The following XIRP2 variants were observed in gnomAD, a reference collection of about 807,000 sequenced individuals.
The protein encoded by XIRP2 is xin actin binding repeat containing 2.
In XIRP2, 236 loss-of-function variants were observed where a neutral mutation model predicts 277.0. The observed-to-expected ratio is 0.85, with a 90% CI of 0.77 to 0.95. XIRP2 has a LOEUF of 0.95. Among genes scored for constraint, XIRP2 ranks in the 40% least tolerant of loss-of-function variants. The probability of loss-of-function intolerance (pLI) is 0.00; values close to 1 mark genes in which losing one functional copy is unlikely to be tolerated. For missense variants in XIRP2, 4,640 were observed against 4,157.5 expected (o/e 1.12, Z -3.19); for synonymous variants, 1,490 against 1,416.5 (o/e 1.05, Z -1.17).
intron 5 of XIRP2, among the ~76,000 whole-genome samples, chr2:167,229,887 A>G (rs1395985628): frequency 1.3e-5 from 2 of 152,122 alleles, no homozygotes; most frequent in African/African-American, 4.8e-5. Flanking sequence ...GAATAAGGTT[A>G]CATCTTCTGC....
In XIRP2 at chr2:167,258,293, G is replaced by C. The variant is rs887983525; in HGVS notation, c.*476G>C. Reference sequence around the variant, plus strand: ...ATTTAAAAGTGAATCTCTGCTAGAAGATGTTAGAACTCCAGAAAATAAAGG... The same window carrying C: ...ATTTAAAAGTGAATCTCTGCTAGAACATGTTAGAACTCCAGAAAATAAAGG... On this transcript the variant is annotated 3_prime_UTR_variant, in exon 11 of 11. Coordinates refer to ENST00000409195, the MANE Select transcript of XIRP2 (RefSeq NM_152381.6). 5.6e-6 allele frequency: 9 copies of C among 1,613,214 alleles called. No homozygotes were observed. The African/African-American group carries it at 6.7e-5, about 12-fold the overall frequency.
chr2:167,204,755 C>A (rs1693810924), intron 3 of XIRP2, among the ~76,000 whole-genome samples: 1 of 151,986 alleles, frequency 6.6e-6, no homozygotes, highest in Admixed American at 6.6e-5. Flanking sequence ...TTATTGAAAA[C>A]AAACACGCGT....
intron 2 of XIRP2, among the ~76,000 whole-genome samples, chr2:167,048,855 G>A (rs1688850623): frequency 6.6e-6 from 1 of 151,842 alleles, no homozygotes; most frequent in African/African-American, 2.4e-5. Flanking sequence ...CTGAAAAAGG[G>A]TGCTAGTCTC....
chr2:166,899,023 G>A (rs1285297751), intron 1 of XIRP2, among the ~76,000 whole-genome samples: 1 of 151,974 alleles, frequency 6.6e-6, no homozygotes, highest in East Asian at 1.9e-4. Context: ...TTGAAATTAT[G>A]GGGCTCAAGT....
intron 3 of XIRP2, among the ~76,000 whole-genome samples, chr2:167,142,597 C>T (rs542172548): frequency 6.6e-6 from 1 of 151,968 alleles, no homozygotes; most frequent in African/African-American, 2.4e-5. Flanking sequence ...AAGAAAGGTA[C>T]ATGGGATTTG....
At chr2:167,020,537 G>A (rs752719665) in intron 2 of XIRP2, among the ~76,000 whole-genome samples, 8 of 151,692 alleles carry the variant, frequency 5.3e-5, no homozygotes, top group African/African-American at 9.7e-5. Context: ...TCTTCTATTC[G>A]TATGATCAGT....
intron 5 of XIRP2, among the ~76,000 whole-genome samples, chr2:167,236,291 A>G (rs140512758): frequency 3.0e-3 from 457 of 152,160 alleles, no homozygotes; most frequent in Middle Eastern, 6.8e-3. Context: ...TCATTGCACT[A>G]GAATGAGTTT....
At chr2:167,089,795 G>T (rs923297893) in intron 2 of XIRP2, among the ~76,000 whole-genome samples, 1 of 151,998 alleles carries the variant, frequency 6.6e-6, no homozygotes, top group Non-Finnish European at 1.5e-5. Flanking sequence ...AAGTTCTATC[G>T]AAACGCAGCT....
chr2:167,007,860 G>A (rs916371618), intron 2 of XIRP2, among the ~76,000 whole-genome samples: 6 of 151,396 alleles, frequency 4.0e-5, no homozygotes, highest in Non-Finnish European at 8.9e-5. Context: ...ATGTGGAAGG[G>A]GAAGTATTAG....
In XIRP2 at chr2:167,250,266, G is replaced by C. The variant is rs778756113; in HGVS notation, c.8874G>C (p.Leu2958Phe). 5.4e-5 allele frequency: 87 copies of C among 1,613,186 alleles called. No individual in the cohort carries two copies. Among genetic ancestry groups the C allele is most frequent in the Non-Finnish European group, 7.0e-5 (82 of 1,179,662 alleles). The change falls in exon 9 of 11, where the codon TTG becomes TTC. Residue 2958 changes from leucine (L) to phenylalanine (F), a missense_variant. Coordinates refer to ENST00000409195, the MANE Select transcript of XIRP2 (RefSeq NM_152381.6). ...AACGTGAAGAACTGCAACAGATTTT[G>C]TCGAGAGTGAAACAGTTTGAAGCAG... Reference protein sequence around the residue: ...LRKREELQQILSRVKQFEAEP... With the variant: ...LRKREELQQIFSRVKQFEAEP...
At position 167,249,922 on chromosome 2, in the gene XIRP2, C is replaced by G. The variant is rs200004094; in HGVS notation, c.8530C>G (p.Leu2844Val). ...AATAACTGAAAGAAAACACGAACAT[C>G]TGAAGAATAAATCAGCACCAAAGGT... ...RLITERKHEHLKNKSAPKVVK... is the reference protein window; with the variant it reads ...RLITERKHEHVKNKSAPKVVK... The change falls in exon 9 of 11, where the codon CTG (leucine) becomes GTG (valine). Residue 2844 changes from leucine (L) to valine (V), a missense_variant. Physicochemically the swap from Leu to Val is conservative, Grantham distance 32. Coordinates refer to ENST00000409195, the MANE Select transcript of XIRP2 (RefSeq NM_152381.6). 2 of 1,613,524 alleles carry G rather than the reference C, an allele frequency of 1.2e-6. No individual in the cohort carries two copies. The highest frequency in any genetic ancestry group is 1.7e-6 in the Non-Finnish European group (2 of 1,179,712).
intron 2 of XIRP2, among the ~76,000 whole-genome samples, chr2:167,120,834 C>A (rs921660932): frequency 2.6e-5 from 4 of 152,080 alleles, no homozygotes; most frequent in African/African-American, 9.7e-5. Flanking sequence ...GAGTTCCCAA[C>A]CAGAAATCAA....
intron 3 of XIRP2, among the ~76,000 whole-genome samples, chr2:167,195,910 G>T (rs1039098609): frequency 1.3e-5 from 2 of 152,170 alleles, no homozygotes; most frequent in African/African-American, 4.8e-5. Context: ...TGCCCACTCA[G>T]CCTGGGCCCT....
At chr2:167,097,423 C>G (rs1214974454) in intron 2 of XIRP2, among the ~76,000 whole-genome samples, 1 of 152,084 alleles carries the variant, frequency 6.6e-6, no homozygotes, top group Non-Finnish European at 1.5e-5. Flanking sequence ...CTTCCTCCAT[C>G]CCTTTTTTTG....
chr2:166,914,552 G>A (rs1191052186), intron 2 of XIRP2, among the ~76,000 whole-genome samples: 1 of 152,060 alleles, frequency 6.6e-6, no homozygotes, highest in Non-Finnish European at 1.5e-5. Flanking sequence ...ATGTTAGCCA[G>A]GATGATCTTG....
intron 5 of XIRP2, among the ~76,000 whole-genome samples, chr2:167,239,149 A>G (rs570291735): frequency 6.6e-6 from 1 of 152,200 alleles, no homozygotes; most frequent in African/African-American, 2.4e-5. Context: ...GAAGACTAGT[A>G]TGTCTTTTTG....
Position 167,246,878 on chromosome 2 carries a change from G to T in XIRP2, c.5486G>T (p.Gly1829Val). The change falls in exon 9 of 11, where the codon GGT becomes GTT. Residue 1829 changes from glycine to valine, a missense_variant. Coordinates refer to ENST00000409195, the MANE Select transcript of XIRP2 (RefSeq NM_152381.6). ...VFMTEPQSTFGKIPKEEIIKG... is the reference protein window; with the variant it reads ...VFMTEPQSTFVKIPKEEIIKG... Reference sequence around the variant, plus strand: ...ATGACCGAGCCTCAGAGTACATTTGGTAAGATACCCAAAGAAGAGATTATA... The same window carrying T: ...ATGACCGAGCCTCAGAGTACATTTGTTAAGATACCCAAAGAAGAGATTATA... The T allele has an allele frequency of 6.2e-7, 1 of 1,613,520 alleles. No homozygotes were observed. Among genetic ancestry groups the T allele is most frequent in the South Asian group, 1.1e-5 (1 of 91,052 alleles).
At chr2:166,938,015 A>G (rs1024078575) in intron 2 of XIRP2, among the ~76,000 whole-genome samples, 4 of 152,118 alleles carry the variant, frequency 2.6e-5, no homozygotes, top group African/African-American at 9.7e-5. Flanking sequence ...CTAGTGGTCT[A>G]TCAATTTTGT....
intron 2 of XIRP2, among the ~76,000 whole-genome samples, chr2:167,012,360 T>C (rs913338319): frequency 6.6e-6 from 1 of 151,800 alleles, no homozygotes; most frequent in Non-Finnish European, 1.5e-5. Flanking sequence ...AGATTCTACT[T>C]TCTACTATGC....
Sources: allele counts gnomAD v4.1 joint callset (sites outside exome capture counted in the v4.1 genomes callset), GRCh38; gene constraint gnomAD v4.1.1; transcripts MANE v1.5; gene names NCBI Gene and HGNC (gene_info 2026-07-23, HGNC 2026-07-21).